ABCC4: variants seen among roughly 807,000 people sequenced by gnomAD.
ABCC4 encodes ATP-binding cassette sub-family C member 4.
A neutral mutation model predicts 168.5 loss-of-function variants in ABCC4; 102 were observed. That is an observed-to-expected ratio of 0.61 (90% CI 0.52 to 0.71). ABCC4 has a LOEUF of 0.71. Among genes scored for constraint, ABCC4 ranks in the 30% least tolerant of loss-of-function variants. ABCC4 has a pLI of 0.00. For synonymous variants in ABCC4, 617 were observed against 590.7 expected, an observed-to-expected ratio of 1.04 and a Z score of -0.65; for missense variants, 1,402 against 1,605.8, an observed-to-expected ratio of 0.87 and a Z score of 2.17.
At chr13:95,091,752 AC>A (rs2034441298) in intron 20 of ABCC4, among the ~76,000 whole-genome samples, 1 of 145,230 alleles carries the variant, frequency 6.9e-6, no homozygotes, top group East Asian at 2.1e-4. Flanking sequence ...AAAAGCAAAA[AC>A]AAACAAAAAA....
intron 8 of ABCC4, among the ~76,000 whole-genome samples, chr13:95,202,986 G>A (rs2038675912): frequency 1.3e-5 from 2 of 152,046 alleles, no homozygotes; most frequent in Admixed American, 6.6e-5. Flanking sequence ...TTGACGGCCT[G>A]GGCTAAAGCC....
At chr13:95,110,597 A>G (rs1362663930) in intron 20 of ABCC4, among the ~76,000 whole-genome samples, 2 of 152,324 alleles carry the variant, frequency 1.3e-5, no homozygotes, top group East Asian at 3.9e-4. Flanking sequence ...TAGGGTACCT[A>G]TTAATCCAAT....
chr13:95,083,756 C>A (rs1270804112), intron 20 of ABCC4, among the ~76,000 whole-genome samples: 1 of 152,136 alleles, frequency 6.6e-6, no homozygotes, highest in Non-Finnish European at 1.5e-5. Flanking sequence ...CTCCCGATCT[C>A]AAGTGATCTG....
intron 21 of ABCC4, among the ~76,000 whole-genome samples, chr13:95,080,018 G>A (rs964195478): frequency 2.6e-5 from 4 of 152,130 alleles, no homozygotes; most frequent in African/African-American, 7.2e-5. Context: ...CATCCTGAGG[G>A]CATTTTTCTC....
At chr13:95,235,345 C>T (rs1175399052) in intron 3 of ABCC4, among the ~76,000 whole-genome samples, 1 of 152,174 alleles carries the variant, frequency 6.6e-6, no homozygotes, top group Non-Finnish European at 1.5e-5. Context: ...AGTTTTAGTA[C>T]ATTGTGCTTG....
chr13:95,257,527 G>A (rs182070031), intron 1 of ABCC4, among the ~76,000 whole-genome samples: 21 of 152,098 alleles, frequency 1.4e-4, no homozygotes, highest in Admixed American at 9.2e-4. Flanking sequence ...AAAATTAGCC[G>A]GACATGGCGG....
rs755848183 is a variant in ABCC4 at position 95,161,275 on chromosome 13, A to T, written c.2369T>A (p.Leu790His). 6.2e-7 allele frequency: 1 copy of T among 1,610,656 alleles called. No homozygotes were observed. The highest frequency in any genetic ancestry group is 8.5e-7 in the Non-Finnish European group (1 of 1,179,336). The change falls in exon 19 of 31, where the codon CTT (leucine) becomes CAT (histidine). Residue 790 changes from leucine (L) to histidine (H), a missense_variant. Leu to His is a moderately conservative substitution (Grantham distance 99, BLOSUM62 -3). Coordinates refer to ENST00000645237, the MANE Select transcript of ABCC4 (RefSeq NM_005845.5). ...GTGCAAAGTTTGTGAAGAGTTAACA[A>T]GGACGTAGAATACCAATAGAGATCT... ...IARSLLVFYV[L>H]VNSSQTLHNK...
chr13:95,152,029 T>C (rs1040614552), intron 19 of ABCC4, among the ~76,000 whole-genome samples: 6 of 152,156 alleles, frequency 3.9e-5, no homozygotes, highest in African/African-American at 1.4e-4. Context: ...CCACAGAGTG[T>C]TAAAAGTCAC....
chr13:95,293,705 T>G (rs907786138), intron 1 of ABCC4, among the ~76,000 whole-genome samples: 8 of 151,696 alleles, frequency 5.3e-5, no homozygotes, highest in African/African-American at 1.9e-4. Flanking sequence ...GACCTTGTGA[T>G]CCACCTGCCT....
At chr13:95,253,731 G>A (rs192166855) in intron 1 of ABCC4, among the ~76,000 whole-genome samples, 89 of 151,272 alleles carry the variant, frequency 5.9e-4, no homozygotes, top group African/African-American at 2.0e-3. Context: ...GCGACAGAGC[G>A]AGACCCCATC....
intron 4 of ABCC4, among the ~76,000 whole-genome samples, chr13:95,229,860 T>C (rs1031842540): frequency 6.6e-6 from 1 of 152,142 alleles, no homozygotes; most frequent in Non-Finnish European, 1.5e-5. Context: ...CAGGCTCAGT[T>C]TGACTAAAGG....
At chr13:95,288,836 G>A (rs2138943457) in intron 1 of ABCC4, among the ~76,000 whole-genome samples, 1 of 152,170 alleles carries the variant, frequency 6.6e-6, no homozygotes, top group African/African-American at 2.4e-5. Context: ...AGCCTAATAT[G>A]TACTAGGAAC....
At chr13:95,136,182 G>C (rs2036137867) in intron 19 of ABCC4, among the ~76,000 whole-genome samples, 2 of 152,040 alleles carry the variant, frequency 1.3e-5, no homozygotes, top group Non-Finnish European at 2.9e-5. Context: ...TATTTATTTA[G>C]TGTTTTGAGA....
At chr13:95,141,442 G>A (rs1200585282) in intron 19 of ABCC4, among the ~76,000 whole-genome samples, 1 of 151,948 alleles carries the variant, frequency 6.6e-6, no homozygotes, top group East Asian at 1.9e-4. Flanking sequence ...AAAAGTCAAA[G>A]AATTTAAGAA....
chr13:95,244,655 AAGAAAGAAAGAAAG>A (rs1594369658), intron 3 of ABCC4, among the ~76,000 whole-genome samples: 7 of 87,848 alleles, frequency 8.0e-5, no homozygotes, highest in South Asian at 3.6e-4. Flanking sequence ...GAAAGAAAGA[AAGAAAGAAAGAAAG>A]AAATCATAGC....
chr13:95,224,020 A>T (rs1049305179), intron 4 of ABCC4, among the ~76,000 whole-genome samples: 2 of 152,146 alleles, frequency 1.3e-5, no homozygotes, highest in Non-Finnish European at 2.9e-5. Flanking sequence ...TGTGAGAATA[A>T]GTCAAAAAAA....
intron 1 of ABCC4, among the ~76,000 whole-genome samples, chr13:95,279,867 G>A (rs1024725622): frequency 6.6e-5 from 10 of 152,172 alleles, no homozygotes; most frequent in Non-Finnish European, 2.9e-5. Context: ...ACAGAGCTGA[G>A]ACTGGGTGGC....
At chr13:95,060,950 C>T (rs1426548182) in intron 26 of ABCC4, among the ~76,000 whole-genome samples, 2 of 152,156 alleles carry the variant, frequency 1.3e-5, no homozygotes. Flanking sequence ...CTTTGTGTCT[C>T]TGTGAATTTG....
chr13:95,037,725 T>C (rs929451878), intron 29 of ABCC4, among the ~76,000 whole-genome samples: 1 of 152,244 alleles, frequency 6.6e-6, no homozygotes, highest in Non-Finnish European at 1.5e-5. Flanking sequence ...GGATAATAAC[T>C]GCATATTTTA....
Sources: gnomAD v4.1 joint callset for allele counts (sites outside exome capture counted in the v4.1 genomes callset) on GRCh38, gnomAD v4.1.1 for gene constraint, MANE v1.5 for transcripts, NCBI Gene and HGNC (gene_info 2026-07-23, HGNC 2026-07-21) for gene names.